CSTA: variants seen among roughly 807,000 people sequenced by gnomAD.
CSTA encodes the protein cystatin-A.
Under a neutral mutation model 9.2 loss-of-function variants are expected in CSTA, and 9 were observed. That is an observed-to-expected ratio of 0.97 (90% CI 0.59 to 1.70). The LOEUF is 1.70. CSTA is among the 40% of genes most tolerant of loss of function. The pLI is 0.00. For synonymous variants in CSTA, 36 were observed against 40.6 expected (o/e 0.89, Z 0.43); for missense variants, 118 against 113.1 (o/e 1.04, Z -0.20).
intron 1 of CSTA, among the ~76,000 whole-genome samples, chr3:122,327,811 T>C (rs1001573351): frequency 6.6e-6 from 1 of 152,004 alleles, no homozygotes; most frequent in Non-Finnish European, 1.5e-5. Context: ...AAAAATAAAT[T>C]TGAAATAGAG....
chr3:122,333,728 AAGAAAGAG>A, intron 1 of CSTA, among the ~76,000 whole-genome samples: 1 of 140,190 alleles, frequency 7.1e-6, no homozygotes. Context: ...AAGAGAAAGA[AAGAAAGAG>A]AAAGAAAGAA....
At chr3:122,329,058 C>T (rs929806181) in intron 1 of CSTA, among the ~76,000 whole-genome samples, 3 of 150,738 alleles carry the variant, frequency 2.0e-5, no homozygotes, top group African/African-American at 4.9e-5. Context: ...CTCCGCCTCC[C>T]GGGTTCACGC....
At position 122,341,603 on chromosome 3, in the gene CSTA, G is replaced by A. The variant is rs1324506069; in HGVS notation, c.*36G>A. 3 of 1,613,150 alleles carry A rather than the reference G, an allele frequency of 1.9e-6. No homozygotes were observed. The highest frequency in any genetic ancestry group is 2.5e-6 in the Non-Finnish European group (3 of 1,179,384). On this transcript the variant is annotated 3_prime_UTR_variant, in exon 3 of 3. Transcript: ENST00000264474. ...CCAAAGTGTTCTGATTCCTTCAACTGGCTACTGAGTCATGATCCTTGCTGA... is the reference window on the plus strand; with the variant it reads ...CCAAAGTGTTCTGATTCCTTCAACTAGCTACTGAGTCATGATCCTTGCTGA...
At chr3:122,327,104 G>A (rs2075175222) in intron 1 of CSTA, among the ~76,000 whole-genome samples, 1 of 152,040 alleles carries the variant, frequency 6.6e-6, no homozygotes, top group African/African-American at 2.4e-5. Flanking sequence ...CGAGCATGGT[G>A]GTGGGTGCCT....
intron 1 of CSTA, among the ~76,000 whole-genome samples, chr3:122,336,941 A>G (rs1490647667): frequency 1.3e-5 from 2 of 152,212 alleles, no homozygotes; most frequent in Non-Finnish European, 2.9e-5. Context: ...ACAAAAAGGA[A>G]TGAACCCAGA....
rs757812744 is a variant in CSTA at position 122,325,254 on chromosome 3, G to T, written c.-39G>T. ...TCTCCACACTTCCCTGTTCACTTTG[G>T]TTCCAGCATCCTGTCCAGCAAAGAA... On this transcript the variant is annotated 5_prime_UTR_variant, in exon 1 of 3. Coordinates refer to ENST00000264474, the MANE Select transcript of CSTA (RefSeq NM_005213.4). 4.4e-6 allele frequency: 7 copies of T among 1,604,780 alleles called. No homozygotes were observed. In the African/African-American group the frequency reaches 9.4e-5, roughly 22 times the overall value.
chr3:122,335,761 A>G (rs957083320), intron 1 of CSTA, among the ~76,000 whole-genome samples: 3 of 151,916 alleles, frequency 2.0e-5, no homozygotes, highest in African/African-American at 7.3e-5. Context: ...CCTCCTGAGT[A>G]GCTGGAATTA....
chr3:122,334,727 G>A (rs1384525419), intron 1 of CSTA, among the ~76,000 whole-genome samples: 1 of 152,198 alleles, frequency 6.6e-6, no homozygotes, highest in Non-Finnish European at 1.5e-5. Flanking sequence ...ACAGGAGATA[G>A]GCAAGTACCA....
chr3:122,341,718 TTTTC>T lies in CSTA; in HGVS notation c.*157_*160del. ...TTTATTGTATTAAGCAGAAATTACCTTTTCTTTCTCAAAATCAGTGTTATTGCTT... is the reference window on the plus strand; with the variant it reads ...TTTATTGTATTAAGCAGAAATTACCTTTTCTCAAAATCAGTGTTATTGCTT... On this transcript the variant is annotated 3_prime_UTR_variant, in exon 3 of 3. Coordinates refer to ENST00000264474, the MANE Select transcript of CSTA (RefSeq NM_005213.4). The T allele has an allele frequency of 1.0e-6, 1 of 963,224 alleles. No individual in the cohort carries two copies. Among genetic ancestry groups the T allele is most frequent in the Non-Finnish European group, 1.6e-6 (1 of 643,588 alleles). The allele number at this position is 963,224 out of a possible 1,614,324, so 59.7% of individuals were successfully genotyped here. A position where few individuals can be genotyped will look rare whatever the true frequency, so the allele number is the denominator to read the frequency against.
At chr3:122,340,551 A>G (rs949052062) in intron 2 of CSTA, among the ~76,000 whole-genome samples, 1 of 152,018 alleles carries the variant, frequency 6.6e-6, no homozygotes, top group African/African-American at 2.4e-5. Flanking sequence ...TGATCCACCC[A>G]CCTTGGCCTC....
intron 2 of CSTA, among the ~76,000 whole-genome samples, chr3:122,341,011 G>A (rs779563152): frequency 5.3e-5 from 8 of 151,432 alleles, no homozygotes; most frequent in South Asian, 2.1e-4. Context: ...GCATGATCTC[G>A]GCTCACTGCA....
chr3:122,327,681 A>G (rs2075178943), intron 1 of CSTA, among the ~76,000 whole-genome samples: 1 of 152,160 alleles, frequency 6.6e-6, no homozygotes, highest in Admixed American at 6.5e-5. Context: ...AAAATGAAAA[A>G]GAAATGTGCA....
At chr3:122,332,781 G>A (rs2075211841) in intron 1 of CSTA, among the ~76,000 whole-genome samples, 1 of 152,158 alleles carries the variant, frequency 6.6e-6, no homozygotes, top group African/African-American at 2.4e-5. Flanking sequence ...GAAAGGTGAA[G>A]GCCAACTGCA....
chr3:122,339,810 G>A (rs912121264), intron 2 of CSTA, among the ~76,000 whole-genome samples: 1 of 152,176 alleles, frequency 6.6e-6, no homozygotes, highest in African/African-American at 2.4e-5. Flanking sequence ...AGCTGCGATC[G>A]CACCACTGCA....
chr3:122,341,283 A>T (rs865848396), intron 2 of CSTA, among the ~76,000 whole-genome samples, 156 bp from the exon 3 acceptor site: 3 of 152,264 alleles, frequency 2.0e-5, no homozygotes, highest in Middle Eastern at 3.4e-3. Flanking sequence ...TGGATTTATG[A>T]ATACAAAGAG....
chr3:122,336,282 A>G (rs2075237165), intron 1 of CSTA, among the ~76,000 whole-genome samples: 1 of 152,156 alleles, frequency 6.6e-6, no homozygotes, highest in Admixed American at 6.5e-5. Context: ...TAAACCTGGA[A>G]CATCTGACTC....
chr3:122,341,596 T>G lies in CSTA; in HGVS notation c.*29T>G. On this transcript the variant is annotated 3_prime_UTR_variant, in exon 3 of 3. Transcript: ENST00000264474. The stretch of plus-strand genomic sequence containing the variant: ...CATGTACCCAAAGTGTTCTGATTCC[T>G]TCAACTGGCTACTGAGTCATGATCC... 6.2e-7 allele frequency: 1 copy of G among 1,613,810 alleles called. No homozygotes were observed. Among genetic ancestry groups the G allele is most frequent in the Non-Finnish European group, 8.5e-7 (1 of 1,179,746 alleles).
chr3:122,337,955 G>C, intron 2 of CSTA: 2 of 352,272 alleles, frequency 5.7e-6, no homozygotes, highest in Non-Finnish European at 1.1e-5. Flanking sequence ...AAGGAGGGAG[G>C]ATCACGTCTC....
intron 1 of CSTA, among the ~76,000 whole-genome samples, chr3:122,328,835 G>A (rs535453168): frequency 6.7e-6 from 1 of 149,666 alleles, no homozygotes; most frequent in African/African-American, 2.4e-5. Context: ...CAGCTACTCA[G>A]GAGGCTGAGG....
Sources: allele counts gnomAD v4.1 joint callset (sites outside exome capture counted in the v4.1 genomes callset), GRCh38; gene constraint gnomAD v4.1.1; transcripts MANE v1.5; gene names NCBI Gene and HGNC (gene_info 2026-07-23, HGNC 2026-07-21).